Variants in GNAL observed in about 807,000 individuals in gnomAD.
GNAL encodes the protein guanine nucleotide-binding protein G(olf) subunit alpha.
A neutral mutation model predicts 55.1 loss-of-function variants in GNAL; 18 were observed. That is an observed-to-expected ratio of 0.33 (90% CI 0.23 to 0.48). The LOEUF (loss-of-function observed/expected upper bound fraction) is 0.48, where lower values mean the gene tolerates loss of function less well. GNAL is among the 20% of genes least tolerant of loss of function. The probability of loss-of-function intolerance (pLI) is 0.99; values close to 1 mark genes in which losing one functional copy is unlikely to be tolerated. For synonymous variants in GNAL, 253 were observed against 237.0 expected (o/e 1.07, Z -0.62); for missense variants, 412 against 614.1 (o/e 0.67, Z 3.48).
intron 4 of GNAL, among the ~76,000 whole-genome samples, chr18:11,768,336 C>A (rs574440088): frequency 8.5e-5 from 13 of 152,192 alleles, no homozygotes; most frequent in Admixed American, 2.0e-4. Context: ...CACCGTGGCT[C>A]ACACCTGTAA....
chr18:11,855,408 C>T (rs1430242557), intron 5 of GNAL, among the ~76,000 whole-genome samples: 4 of 151,984 alleles, frequency 2.6e-5, no homozygotes, highest in Non-Finnish European at 4.4e-5. Flanking sequence ...ATATTTCTTC[C>T]TTTCATTTTT....
intron 8 of GNAL, among the ~76,000 whole-genome samples, chr18:11,867,912 G>A (rs2036302648): frequency 6.6e-6 from 1 of 151,934 alleles, no homozygotes; most frequent in African/African-American, 2.4e-5. Flanking sequence ...ATCACCTGAG[G>A]TCAGGAGTTC....
In GNAL at chr18:11,885,579, T is replaced by A. The variant is rs901762133; in HGVS notation, c.*4444T>A. On this transcript the variant is annotated 3_prime_UTR_variant, in exon 12 of 12. Coordinates refer to ENST00000334049, the MANE Select transcript of GNAL (RefSeq NM_182978.4). ...AGGAGAGAAATTTGTGTGTGGCTTT[T>A]GTAAATTTTGACCGATTGCAGCAAT... 6.2e-6 allele frequency: 9 copies of A among 1,446,010 alleles called. No homozygotes were observed. The African/African-American group carries it at 1.3e-4, about 20-fold the overall frequency. 89.6% of individuals were successfully genotyped at this position (1,446,010 alleles called of 1,614,324 possible).
intron 5 of GNAL, among the ~76,000 whole-genome samples, chr18:11,829,720 CG>C (rs969891594): frequency 1.2e-4 from 18 of 152,110 alleles, no homozygotes; most frequent in Admixed American, 6.6e-5. Context: ...ATAAAGTCAG[CG>C]CTCAGTCAAC....
chr18:11,796,713 A>G (rs961356637), intron 4 of GNAL, among the ~76,000 whole-genome samples: 3 of 152,076 alleles, frequency 2.0e-5, no homozygotes, highest in African/African-American at 4.8e-5. Context: ...TTAGGATCTC[A>G]GTATAGCTAC....
chr18:11,727,587 G>T (rs543615969), intron 1 of GNAL, among the ~76,000 whole-genome samples: 1 of 152,238 alleles, frequency 6.6e-6, no homozygotes, highest in Non-Finnish European at 1.5e-5. Flanking sequence ...AAGGCAGAAT[G>T]TCGGATGTGG....
At position 11,752,759 on chromosome 18, in the gene GNAL, G is replaced by C. The variant is rs1039746787; in HGVS notation, c.377-94G>C. On this transcript the variant is annotated intron_variant, in intron 1 of 11. Transcript: ENST00000334049. This position sits in a 1 kb window ranked among gnomAD's most constrained non-coding sequence, Gnocchi z 4.5. ...GAACCCGCGTGTAGGAAATCCCCGT[G>C]CTGGGGGAGGAGGATTGCTCAGACC... 1 of 1,151,248 alleles carries C rather than the reference G, an allele frequency of 8.7e-7. No individual in the cohort carries two copies. Among genetic ancestry groups the C allele is most frequent in the Non-Finnish European group, 1.3e-6 (1 of 773,464 alleles). The allele number at this position is 1,151,248 out of a possible 1,614,324, so 71.3% of individuals were successfully genotyped here. A position where few individuals can be genotyped will look rare whatever the true frequency, so the allele number is the denominator to read the frequency against.
At chr18:11,747,744 T>C (rs528833511) in intron 1 of GNAL, among the ~76,000 whole-genome samples, 1 of 151,948 alleles carries the variant, frequency 6.6e-6, no homozygotes, top group East Asian at 1.9e-4. Flanking sequence ...TTCTGAGACA[T>C]CCTGTATGTC....
In GNAL at chr18:11,698,244, G is replaced by C. The variant is rs570829889; in HGVS notation, c.376+8305G>C. 1.2e-4 allele frequency among the ~76,000 whole-genome samples: 18 copies of C among 152,236 alleles called. No homozygotes were observed. The South Asian group carries it at 3.7e-3, about 32-fold the overall frequency. On this transcript the variant is annotated intron_variant, in intron 1 of 11. Transcript: ENST00000334049. ...GCGGTGGCTCATGCCTGTAATTCCA[G>C]CACTTTGGGAGGCCGAGGCGGGTGG...
chr18:11,817,248 A>G (rs1038906561), intron 4 of GNAL, among the ~76,000 whole-genome samples: 1 of 152,240 alleles, frequency 6.6e-6, no homozygotes. Context: ...AGGAACTGCT[A>G]TTGAGCAGAG....
intron 5 of GNAL, among the ~76,000 whole-genome samples, chr18:11,846,789 C>A (rs114857002): frequency 0.025 from 3,744 of 151,882 alleles, 159 homozygotes; most frequent in African/African-American, 0.085. Context: ...GCAGTGGGGC[C>A]ATCATAGCCC....
rs1418206802 is a variant in GNAL at position 11,714,580 on chromosome 18, A to G, written c.376+24641A>G. On this transcript the variant is annotated intron_variant, in intron 1 of 11. Transcript: ENST00000334049. ...CATTTCTCTCAGAGGGATGATTTCT[A>G]GTCTTGTCTTTGTCCTGTACCTGTG... 3.9e-5 allele frequency among the ~76,000 whole-genome samples: 6 copies of G among 152,206 alleles called. No individual in the cohort carries two copies. In the East Asian group the frequency reaches 7.7e-4, roughly 20 times the overall value.
rs1278546071 is a variant in GNAL at position 11,881,081 on chromosome 18, C to T, written c.1323C>T (p.Asn441=). The T allele has an allele frequency of 3.1e-6, 5 of 1,613,210 alleles. No individual in the cohort carries two copies. Among genetic ancestry groups the T allele is most frequent in the East Asian group, 2.2e-5 (1 of 44,846 alleles). Residue 441 remains asparagine (N), a synonymous_variant, in exon 12 of 12, where the codon AAC becomes AAT. Transcript: ENST00000334049. This position sits in a 1 kb window ranked among gnomAD's most constrained non-coding sequence, Gnocchi z 4.8. ...VDTENIRRVF[N]DCRDIIQRMH... is the part of the protein sequence containing the mutation. ...CAGAGAACATCCGCAGGGTGTTCAA[C>T]GACTGCCGCGACATCATCCAGCGGA...
intron 5 of GNAL, among the ~76,000 whole-genome samples, chr18:11,839,210 C>T (rs1186443306): frequency 6.6e-6 from 1 of 152,008 alleles, no homozygotes; most frequent in Non-Finnish European, 1.5e-5. Flanking sequence ...TCTTTTTCTG[C>T]TCTCTCTACC....
intron 4 of GNAL, among the ~76,000 whole-genome samples, chr18:11,764,963 A>G (rs1262208566): frequency 6.6e-6 from 1 of 152,218 alleles, no homozygotes; most frequent in Non-Finnish European, 1.5e-5. Context: ...TATTCTTCAA[A>G]TATCTATAAA....
chr18:11,855,128 G>A (rs1035676063), intron 5 of GNAL, among the ~76,000 whole-genome samples: 8 of 152,020 alleles, frequency 5.3e-5, no homozygotes, highest in South Asian at 2.1e-4. Flanking sequence ...TAGTAGAGTC[G>A]GGGTTTCACC....
intron 4 of GNAL, among the ~76,000 whole-genome samples, chr18:11,823,293 G>A (rs1453446713): frequency 6.6e-6 from 1 of 152,172 alleles, no homozygotes; most frequent in Non-Finnish European, 1.5e-5. Context: ...AGGGAGACAA[G>A]ATGAAAACTG....
In GNAL at chr18:11,881,158, C is replaced by T. The variant is rs570085983; in HGVS notation, c.*23C>T. 68 of 1,586,080 alleles carry T rather than the reference C, an allele frequency of 4.3e-5. No individual in the cohort carries two copies. Among genetic ancestry groups the T allele is most frequent in the African/African-American group, 3.8e-4 (28 of 74,478 alleles). On this transcript the variant is annotated 3_prime_UTR_variant, in exon 12 of 12. Transcript: ENST00000334049. This position sits in a 1 kb window ranked among gnomAD's most constrained non-coding sequence, Gnocchi z 4.8. ...TGAGGATGCTGCCGCCACCCTGCGACGGAGCGGCGCCCCGGACTGCCTGAC... is the reference window on the plus strand; with the variant it reads ...TGAGGATGCTGCCGCCACCCTGCGATGGAGCGGCGCCCCGGACTGCCTGAC...
intron 1 of GNAL, among the ~76,000 whole-genome samples, chr18:11,696,516 A>C (rs2031419225): frequency 6.6e-6 from 1 of 151,858 alleles, no homozygotes; most frequent in Admixed American, 6.6e-5. Flanking sequence ...AAAAAAAAAA[A>C]AAGCACGCAT....
Sources: allele counts gnomAD v4.1 joint callset (sites outside exome capture counted in the v4.1 genomes callset), GRCh38; gene constraint gnomAD v4.1.1; non-coding constraint Gnocchi (gnomAD v3.1); transcripts MANE v1.5; gene names NCBI Gene and HGNC (gene_info 2026-07-23, HGNC 2026-07-21).